The following PTPRM variants were observed in gnomAD, a reference collection of about 807,000 sequenced individuals.
PTPRM encodes the protein receptor-type tyrosine-protein phosphatase mu.
PTPRM carries 47 observed loss-of-function variants against 186.7 expected under a neutral mutation model. The ratio of observed to expected loss-of-function variants is 0.25; its 90% confidence interval spans 0.20 to 0.32. The LOEUF (loss-of-function observed/expected upper bound fraction) is 0.32, where lower values mean the gene tolerates loss of function less well. Ranked by LOEUF, PTPRM falls within the 10% of genes least tolerant of loss-of-function variation. PTPRM has a pLI of 1.00. For synonymous variants in PTPRM, 668 were observed against 674.9 expected (o/e 0.99, Z 0.16); for missense variants, 1,494 against 1,865.0 (o/e 0.80, Z 3.66).
intron 1 of PTPRM, among the ~76,000 whole-genome samples, chr18:7,663,453 G>A (rs551480971): frequency 6.6e-6 from 1 of 152,174 alleles, no homozygotes; most frequent in African/African-American, 2.4e-5. Context: ...TTGAACAGGG[G>A]TTGGAAAAGA....
intron 19 of PTPRM, among the ~76,000 whole-genome samples, chr18:8,255,219 C>T (rs2094563734): frequency 6.6e-6 from 1 of 152,188 alleles, no homozygotes; most frequent in African/African-American, 2.4e-5. Context: ...TGTCTAGGTT[C>T]TATCCAATAT....
chr18:8,052,437 T>TTTC (rs1388787574), intron 7 of PTPRM, among the ~76,000 whole-genome samples: 10 of 152,184 alleles, frequency 6.6e-5, no homozygotes, highest in African/African-American at 2.4e-4. Flanking sequence ...TACCACTGTG[T>TTTC]TTCTGTTGCC....
intron 23 of PTPRM, among the ~76,000 whole-genome samples, chr18:8,345,584 G>A (rs1026160412): frequency 3.3e-5 from 5 of 151,838 alleles, no homozygotes; most frequent in Non-Finnish European, 7.4e-5. Context: ...AAATGTACCA[G>A]TGTATTTATA....
intron 19 of PTPRM, among the ~76,000 whole-genome samples, chr18:8,288,138 C>T (rs967284655): frequency 1.1e-4 from 17 of 152,232 alleles, no homozygotes; most frequent in African/African-American, 4.1e-4. Context: ...CTCCAGGACA[C>T]CATCCTCATT....
chr18:7,851,346 A>G (rs2046849289), intron 2 of PTPRM, among the ~76,000 whole-genome samples: 1 of 152,182 alleles, frequency 6.6e-6, no homozygotes, highest in Non-Finnish European at 1.5e-5. Context: ...CCACAGATGT[A>G]AAGAAGAGTT....
At chr18:8,181,686 C>T (rs1260528615) in intron 14 of PTPRM, among the ~76,000 whole-genome samples, 1 of 152,178 alleles carries the variant, frequency 6.6e-6, no homozygotes, top group African/African-American at 2.4e-5. Flanking sequence ...CATGACTTCT[C>T]ATGACACTCA....
At chr18:7,670,194 G>A (rs968544344) in intron 1 of PTPRM, among the ~76,000 whole-genome samples, 1 of 151,384 alleles carries the variant, frequency 6.6e-6, no homozygotes, top group Non-Finnish European at 1.5e-5. Context: ...TTTTCATGAA[G>A]CTTTCAAAAT....
chr18:8,171,451 A>G (rs1238996637), intron 14 of PTPRM, among the ~76,000 whole-genome samples: 3 of 152,176 alleles, frequency 2.0e-5, no homozygotes, highest in East Asian at 1.9e-4. Context: ...ATGTGGGACT[A>G]TGAGAAATGA....
chr18:7,682,336 GA>G (rs2039497807), intron 1 of PTPRM, among the ~76,000 whole-genome samples: 1 of 152,222 alleles, frequency 6.6e-6, no homozygotes, highest in Non-Finnish European at 1.5e-5. Context: ...ACTAGCATTA[GA>G]AAACATACTA....
chr18:7,621,476 C>T (rs2037937213), intron 1 of PTPRM, among the ~76,000 whole-genome samples: 1 of 152,032 alleles, frequency 6.6e-6, no homozygotes, highest in Middle Eastern at 3.2e-3. Context: ...GCCGTTATCA[C>T]CCAGAGCCAC....
At chr18:8,326,724 G>T (rs1406914164) in intron 22 of PTPRM, among the ~76,000 whole-genome samples, 2 of 152,178 alleles carry the variant, frequency 1.3e-5, no homozygotes, top group Non-Finnish European at 2.9e-5. Context: ...AATAAATGGT[G>T]CTGGGATAAC....
intron 20 of PTPRM, among the ~76,000 whole-genome samples, chr18:8,307,760 C>T (rs562484916): frequency 1.5e-4 from 22 of 151,640 alleles, no homozygotes; most frequent in African/African-American, 2.7e-4. Context: ...GCCAAGATCG[C>T]GCCATTGCAC....
chr18:8,381,723 A>C (rs889962717), intron 29 of PTPRM, among the ~76,000 whole-genome samples: 1 of 152,170 alleles, frequency 6.6e-6, no homozygotes, highest in African/African-American at 2.4e-5. Context: ...ACCCAACTCA[A>C]AATAGAACCA....
chr18:8,341,834 C>T (rs2095476734), intron 22 of PTPRM, among the ~76,000 whole-genome samples: 1 of 152,154 alleles, frequency 6.6e-6, no homozygotes, highest in African/African-American at 2.4e-5. Flanking sequence ...TGATGGAATC[C>T]GATGTTTACT....
At chr18:8,380,892 G>A (rs1457508250) in intron 29 of PTPRM, among the ~76,000 whole-genome samples, 2 of 152,164 alleles carry the variant, frequency 1.3e-5, no homozygotes, top group African/African-American at 4.8e-5. Flanking sequence ...GAGCCTACAG[G>A]TAGAGATCGT....
intron 20 of PTPRM, among the ~76,000 whole-genome samples, chr18:8,310,498 C>G (rs564108456): frequency 6.7e-6 from 1 of 148,884 alleles, no homozygotes. Flanking sequence ...CTAGATCCTT[C>G]CTACCTCCTG....
At chr18:8,280,403 T>A (rs371893620) in intron 19 of PTPRM, among the ~76,000 whole-genome samples, 30 of 37,664 alleles carry the variant, frequency 8.0e-4, no homozygotes, top group African/African-American at 3.4e-3. Context: ...GAATTTGTGG[T>A]CGGGGGTGGG....
chr18:7,676,819 A>C (rs1165876768), intron 1 of PTPRM, among the ~76,000 whole-genome samples: 1 of 152,214 alleles, frequency 6.6e-6, no homozygotes, highest in Non-Finnish European at 1.5e-5. Flanking sequence ...GGAACAATAT[A>C]ACAGATGTTT....
At chr18:8,169,888 A>G (rs2093373929) in intron 14 of PTPRM, among the ~76,000 whole-genome samples, 1 of 152,200 alleles carries the variant, frequency 6.6e-6, no homozygotes. Flanking sequence ...GTATGCAAGT[A>G]TTCACTTTAC....
Sources: allele counts gnomAD v4.1 joint callset (sites outside exome capture counted in the v4.1 genomes callset), GRCh38; gene constraint gnomAD v4.1.1; transcripts MANE v1.5; gene names NCBI Gene and HGNC (gene_info 2026-07-23, HGNC 2026-07-21).